CTDSPL: variants seen among roughly 807,000 people sequenced by gnomAD.
CTDSPL encodes CTD small phosphatase like.
A neutral mutation model predicts 30.5 loss-of-function variants in CTDSPL; 8 were observed. The ratio of observed to expected loss-of-function variants is 0.26; its 90% CI spans 0.15 to 0.47. The LOEUF is 0.47. CTDSPL is among the 20% of genes least tolerant of loss of function. CTDSPL has a pLI of 0.99. For synonymous variants in CTDSPL, 110 were observed against 137.9 expected, an observed-to-expected ratio of 0.80 and a Z score of 1.42; for missense variants, 248 against 366.1, an observed-to-expected ratio of 0.68 and a Z score of 2.63.
intron 1 of CTDSPL, among the ~76,000 whole-genome samples, chr3:37,924,753 C>T (rs1189505228): frequency 1.3e-5 from 2 of 152,150 alleles, no homozygotes; most frequent in African/African-American, 2.4e-5. Context: ...CCTTCCCTCA[C>T]GTCTGCTCAT....
chr3:37,904,229 A>G (rs949783260), intron 1 of CTDSPL, among the ~76,000 whole-genome samples: 18 of 152,236 alleles, frequency 1.2e-4, no homozygotes, highest in African/African-American at 4.1e-4. Context: ...AGCAAGCCAG[A>G]TTGCTGAGAA....
chr3:37,908,923 T>A (rs1698548064), intron 1 of CTDSPL, among the ~76,000 whole-genome samples: 2 of 152,222 alleles, frequency 1.3e-5, no homozygotes, highest in African/African-American at 4.8e-5. Flanking sequence ...GTTGGAGTGG[T>A]CTTGGGTTAT....
At chr3:37,894,387 G>T (rs571358307) in intron 1 of CTDSPL, among the ~76,000 whole-genome samples, 1 of 151,884 alleles carries the variant, frequency 6.6e-6, no homozygotes, top group East Asian at 1.9e-4. Flanking sequence ...GATTACAGGC[G>T]TGAACCACCA....
At chr3:37,932,505 C>CA (rs1157677381) in intron 1 of CTDSPL, among the ~76,000 whole-genome samples, 2 of 151,702 alleles carry the variant, frequency 1.3e-5, no homozygotes, top group African/African-American at 2.4e-5. Context: ...GAAAAATGGG[C>CA]AAAAAAAGTA....
At chr3:37,883,426 C>T (rs1472039716) in intron 1 of CTDSPL, among the ~76,000 whole-genome samples, 1 of 152,224 alleles carries the variant, frequency 6.6e-6, no homozygotes, top group Non-Finnish European at 1.5e-5. Context: ...ACAAATATTA[C>T]ATCTTAATTT....
intron 4 of CTDSPL, 151 bp downstream of exon 4, chr3:37,964,823 G>A: frequency 1.7e-6 from 1 of 583,052 alleles, no homozygotes; most frequent in South Asian, 2.3e-5. Context: ...ATTAACCCAG[G>A]TGAACATTAA....
chr3:37,980,769 A>G lies in CTDSPL; in HGVS notation c.733A>G (p.Met245Val), dbSNP rs761700934. Residue 245 changes from methionine (M) to valine (V), a missense_variant, in exon 8 of 8, where the codon ATG becomes GTG. This residue lies in a region of CTDSPL where 84 missense variants were observed against 139.4 expected (regional missense o/e 0.60). Coordinates refer to ENST00000273179, the MANE Select transcript of CTDSPL (RefSeq NM_001008392.2). ...GCCTGTGCAGTCCTGGTTCGATGAC[A>G]TGACGGACACGGAGCTGCTGGACCT... Reference protein sequence around the residue: ...AVPVQSWFDDMTDTELLDLIP... With the variant: ...AVPVQSWFDDVTDTELLDLIP... 4.3e-6 allele frequency: 7 copies of G among 1,614,186 alleles called. No homozygotes were observed. The highest frequency in any genetic ancestry group is 5.9e-6 in the Non-Finnish European group (7 of 1,180,020).
chr3:37,913,951 G>C (rs1426962970), intron 1 of CTDSPL, among the ~76,000 whole-genome samples: 1 of 152,158 alleles, frequency 6.6e-6, no homozygotes, highest in Non-Finnish European at 1.5e-5. Context: ...TCTGTTTCCA[G>C]TTCCTACAAA....
At chr3:37,933,539 C>T (rs1698880359) in intron 1 of CTDSPL, among the ~76,000 whole-genome samples, 1 of 152,198 alleles carries the variant, frequency 6.6e-6, no homozygotes, top group Non-Finnish European at 1.5e-5. Flanking sequence ...GGAGTATGCT[C>T]CATTCTCAGT....
chr3:37,909,360 AC>A (rs1698554167), intron 1 of CTDSPL, among the ~76,000 whole-genome samples: 1 of 152,166 alleles, frequency 6.6e-6, no homozygotes, highest in Non-Finnish European at 1.5e-5. Flanking sequence ...TGCCCAATAA[AC>A]CTGGGTGCTC....
intron 1 of CTDSPL, among the ~76,000 whole-genome samples, chr3:37,887,211 A>C (rs1377500806): frequency 2.6e-5 from 4 of 152,214 alleles, no homozygotes. Flanking sequence ...TATTGAGCAT[A>C]GTAGAATTCT....
At chr3:37,882,636 A>C (rs1366024214) in intron 1 of CTDSPL, among the ~76,000 whole-genome samples, 1 of 151,872 alleles carries the variant, frequency 6.6e-6, no homozygotes, top group Non-Finnish European at 1.5e-5. Flanking sequence ...TAATAATAAT[A>C]ATCCTGGACT....
At chr3:37,964,195 T>A (rs1416233973) in intron 3 of CTDSPL, among the ~76,000 whole-genome samples, 2 of 152,034 alleles carry the variant, frequency 1.3e-5, no homozygotes, top group Non-Finnish European at 2.9e-5. Flanking sequence ...CATTCTTGTG[T>A]AATCCATTTT....
chr3:37,958,692 G>T (rs1358887759), intron 3 of CTDSPL, among the ~76,000 whole-genome samples: 3 of 152,188 alleles, frequency 2.0e-5, no homozygotes, highest in African/African-American at 7.2e-5. Context: ...TTATGTAATT[G>T]ATCCTACTGA....
chr3:37,891,895 C>T (rs1035392175), intron 1 of CTDSPL, among the ~76,000 whole-genome samples: 2 of 151,630 alleles, frequency 1.3e-5, no homozygotes, highest in Admixed American at 6.6e-5. Context: ...CATACATGTA[C>T]ATACATGTAC....
chr3:37,958,177 A>G (rs556345659), intron 3 of CTDSPL, among the ~76,000 whole-genome samples: 7 of 152,324 alleles, frequency 4.6e-5, no homozygotes, highest in African/African-American at 1.2e-4. Context: ...TTGGTAGTAC[A>G]TGTCACTTAC....
intron 1 of CTDSPL, among the ~76,000 whole-genome samples, chr3:37,864,247 CCAGGAG>C (rs1291998744): frequency 6.6e-6 from 1 of 152,170 alleles, no homozygotes; most frequent in Non-Finnish European, 1.5e-5. Flanking sequence ...CCACCTGACT[CCAGGAG>C]CAGGAGCAGG....
intron 1 of CTDSPL, among the ~76,000 whole-genome samples, chr3:37,938,065 T>C (rs1004323693): frequency 6.7e-6 from 1 of 150,362 alleles, no homozygotes; most frequent in African/African-American, 2.4e-5. Context: ...GAAACTTGAA[T>C]GTTGAGGGAT....
intron 1 of CTDSPL, among the ~76,000 whole-genome samples, chr3:37,933,340 G>A (rs1298146443): frequency 6.6e-6 from 1 of 152,000 alleles, no homozygotes; most frequent in Non-Finnish European, 1.5e-5. Flanking sequence ...CTATTTTCCC[G>A]ATTTCTCTCC....
Sources: gnomAD v4.1 joint callset for allele counts (sites outside exome capture counted in the v4.1 genomes callset) on GRCh38, gnomAD v4.1.1 for gene constraint, gnomAD v4.1.1 regional missense constraint, MANE v1.5 for transcripts, NCBI Gene and HGNC (gene_info 2026-07-23, HGNC 2026-07-21) for gene names.